SSBP2: variants seen among roughly 807,000 people sequenced by gnomAD.
SSBP2 encodes the protein single-stranded DNA-binding protein 2.
A neutral mutation model predicts 61.8 loss-of-function variants in SSBP2; 17 were observed. The observed-to-expected ratio is 0.28, with a 90% CI of 0.19 to 0.41. SSBP2 has a LOEUF of 0.41. Ranked by LOEUF, SSBP2 falls within the 10% of genes least tolerant of loss-of-function variation. SSBP2 has a pLI of 1.00. For missense variants in SSBP2, 310 were observed against 458.7 expected (o/e 0.68, Z 2.96); for synonymous variants, 139 against 141.3 (o/e 0.98, Z 0.12).
chr5:81,536,065 A>G (rs912697084), intron 4 of SSBP2, among the ~76,000 whole-genome samples: 13 of 152,136 alleles, frequency 8.5e-5, no homozygotes. Context: ...ACAGCCCAAT[A>G]AAAATGGACC....
chr5:81,640,896 A>G (rs1212648324), intron 2 of SSBP2, among the ~76,000 whole-genome samples: 11 of 152,208 alleles, frequency 7.2e-5, no homozygotes, highest in African/African-American at 2.7e-4. Flanking sequence ...TCACCAACGT[A>G]CTCAGACACA....
chr5:81,509,863 T>C (rs1284447737), intron 5 of SSBP2, among the ~76,000 whole-genome samples: 1 of 152,206 alleles, frequency 6.6e-6, no homozygotes, highest in Non-Finnish European at 1.5e-5. Context: ...CTTTCTCTTC[T>C]ACCTTAACTT....
At chr5:81,448,176 T>C (rs1490102284) in intron 11 of SSBP2, 1 of 152,438 alleles carries the variant, frequency 6.6e-6, no homozygotes, top group Non-Finnish European at 1.5e-5. Context: ...GTAGCTAGGA[T>C]CATAATGTGA....
At chr5:81,583,804 A>G (rs1021859751) in intron 4 of SSBP2, among the ~76,000 whole-genome samples, 4 of 152,208 alleles carry the variant, frequency 2.6e-5, no homozygotes, top group Non-Finnish European at 4.4e-5. Context: ...GTTTCCGTTC[A>G]TGTTTACCCG....
At chr5:81,616,799 G>C (rs1422304176) in intron 3 of SSBP2, among the ~76,000 whole-genome samples, 5,520 of 150,454 alleles carry the variant, frequency 0.037, 128 homozygotes, top group African/African-American at 0.064. Flanking sequence ...TGACCCCTGT[G>C]CCCCGAGCAG....
intron 4 of SSBP2, among the ~76,000 whole-genome samples, chr5:81,563,517 T>C (rs985325830): frequency 3.9e-5 from 6 of 152,186 alleles, no homozygotes; most frequent in South Asian, 4.1e-4. Context: ...TAAAAACTTC[T>C]GCTCTTTAAA....
intron 16 of SSBP2, among the ~76,000 whole-genome samples, chr5:81,424,296 C>A (rs1019375520): frequency 9.9e-5 from 15 of 151,830 alleles, no homozygotes; most frequent in Admixed American, 2.6e-4. Context: ...TGGTGGCACA[C>A]GCCTGTAATC....
chr5:81,492,277 C>G (rs1766912540), intron 5 of SSBP2, among the ~76,000 whole-genome samples: 1 of 151,940 alleles, frequency 6.6e-6, no homozygotes, highest in African/African-American at 2.4e-5. Context: ...CCGAGGTGGG[C>G]AGACCACTTG....
intron 4 of SSBP2, among the ~76,000 whole-genome samples, chr5:81,526,849 A>G (rs1769982712): frequency 6.6e-6 from 1 of 151,944 alleles, no homozygotes; most frequent in Admixed American, 6.6e-5. Flanking sequence ...AAAGGGGAAA[A>G]ATAAGGTGTC....
At chr5:81,432,419 G>A (rs905874476) in intron 15 of SSBP2, among the ~76,000 whole-genome samples, 2 of 152,220 alleles carry the variant, frequency 1.3e-5, no homozygotes, top group Middle Eastern at 3.4e-3. Flanking sequence ...ATGTTAATAC[G>A]AACTGCAGAA....
chr5:81,463,737 A>G lies in SSBP2; in HGVS notation c.639-2634T>C, dbSNP rs559126358. Among the ~76,000 whole-genome samples, 18 of 144,510 alleles carry G rather than the reference A, an allele frequency of 1.2e-4. No homozygotes were observed. In the East Asian group the frequency reaches 3.4e-3, roughly 27 times the overall value. The allele number at this position is 144,510 out of a possible 152,430, so 94.8% of individuals were successfully genotyped here. The stretch of plus-strand genomic sequence containing the variant: ...TTTTGATGAAATCAAATCAACCACT[A>G]TTACCAAAGAGAAAAATCCTCTTTT... On this transcript the variant is annotated intron_variant, in intron 9 of 16. Coordinates refer to ENST00000320672, the MANE Select transcript of SSBP2 (RefSeq NM_012446.5).
At chr5:81,666,337 G>A (rs1479242612) in intron 1 of SSBP2, among the ~76,000 whole-genome samples, 1 of 152,136 alleles carries the variant, frequency 6.6e-6, no homozygotes, top group Non-Finnish European at 1.5e-5. Context: ...AATTGCATTA[G>A]TTAACACAGA....
At chr5:81,658,421 C>G (rs1750412688) in intron 1 of SSBP2, among the ~76,000 whole-genome samples, 2 of 152,078 alleles carry the variant, frequency 1.3e-5, no homozygotes, top group African/African-American at 2.4e-5. Flanking sequence ...CACAGATGCT[C>G]AAGTCCCTTA....
chr5:81,480,757 T>C (rs554509213), intron 6 of SSBP2, among the ~76,000 whole-genome samples: 2 of 152,360 alleles, frequency 1.3e-5, no homozygotes, highest in East Asian at 3.9e-4. Context: ...ATCGATGGAC[T>C]CTTCCTTTCA....
Position 81,442,696 on chromosome 5 carries a change from T to C in SSBP2, c.806A>G (p.Tyr269Cys), listed in dbSNP as rs1415677981. 2 of 1,581,760 alleles carry C rather than the reference T, an allele frequency of 1.3e-6. No individual in the cohort carries two copies. Among genetic ancestry groups the C allele is most frequent in the Non-Finnish European group, 1.7e-6 (2 of 1,161,786 alleles). Residue 269 changes from tyrosine to cysteine, a missense_variant, in exon 13 of 17, where the codon TAT (tyrosine) becomes TGT (cysteine). Transcript: ENST00000320672. Reference sequence around the variant, plus strand: ...AGGAGGTACTGCATTCATTAAAGTATACATGTTATCACCAGAGTTGGTTGA... The same window carrying C: ...AGGAGGTACTGCATTCATTAAAGTACACATGTTATCACCAGAGTTGGTTGA...
chr5:81,574,766 GA>G (rs1774081552), intron 4 of SSBP2, among the ~76,000 whole-genome samples: 1 of 151,798 alleles, frequency 6.6e-6, no homozygotes, highest in African/African-American at 2.4e-5. Flanking sequence ...GCAAAAGCCG[GA>G]ACACACAGGA....
intron 1 of SSBP2, among the ~76,000 whole-genome samples, chr5:81,679,001 A>G (rs886391527): frequency 1.3e-5 from 2 of 152,128 alleles, no homozygotes; most frequent in African/African-American, 4.8e-5. Context: ...AAGGTAAAAT[A>G]AAATTTTTTA....
chr5:81,718,354 C>T (rs995253483), intron 1 of SSBP2, among the ~76,000 whole-genome samples: 4 of 151,540 alleles, frequency 2.6e-5, no homozygotes, highest in African/African-American at 9.7e-5. Context: ...AAAACCCATT[C>T]GAATGCTGAG....
intron 15 of SSBP2, among the ~76,000 whole-genome samples, chr5:81,435,329 T>A (rs1762607453): frequency 6.6e-6 from 1 of 152,194 alleles, no homozygotes; most frequent in South Asian, 2.1e-4. Context: ...CGTCAACATT[T>A]ACTGAATGAA....
Sources: gnomAD v4.1 joint callset for allele counts (sites outside exome capture counted in the v4.1 genomes callset) on GRCh38, gnomAD v4.1.1 for gene constraint, MANE v1.5 for transcripts, NCBI Gene and HGNC (gene_info 2026-07-23, HGNC 2026-07-21) for gene names.